The following KCND2 variants were observed in gnomAD, a reference collection of about 807,000 sequenced individuals.
The protein encoded by KCND2 is A-type voltage-gated potassium channel KCND2.
A neutral mutation model predicts 54.4 loss-of-function variants in KCND2; 16 were observed. The observed-to-expected ratio is 0.29, with a 90% CI of 0.20 to 0.45. The LOEUF is 0.45. Among genes scored for constraint, KCND2 ranks in the 20% least tolerant of loss-of-function variants. The pLI is 1.00. For synonymous variants in KCND2, 317 were observed against 310.7 expected (o/e 1.02, Z -0.21); for missense variants, 486 against 824.2 (o/e 0.59, Z 5.02).
chr7:120,352,001 A>G (rs1035410431), intron 1 of KCND2, among the ~76,000 whole-genome samples: 2 of 151,880 alleles, frequency 1.3e-5, no homozygotes, highest in Non-Finnish European at 2.9e-5. Context: ...CAGTAGAGAC[A>G]GGGTTTCACC....
intron 1 of KCND2, among the ~76,000 whole-genome samples, chr7:120,664,448 TA>T (rs1252770629): frequency 6.6e-6 from 1 of 151,744 alleles, no homozygotes; most frequent in Non-Finnish European, 1.5e-5. Flanking sequence ...ATAACTTATT[TA>T]ATAGGAGAGA....
At chr7:120,386,206 A>G (rs1800985640) in intron 1 of KCND2, among the ~76,000 whole-genome samples, 1 of 152,088 alleles carries the variant, frequency 6.6e-6, no homozygotes, top group African/African-American at 2.4e-5. Context: ...ACACTAGAAT[A>G]TTTCAGGATA....
rs975020628 is a variant in KCND2, at chr7:120,274,231, C to T, written c.-402C>T. On this transcript the variant is annotated 5_prime_UTR_variant, in exon 1 of 6. Transcript: ENST00000331113. ...ATTCTATTGGGTGACTCTCGTTCGT[C>T]TTCTCTATCCTACACTCCACATACT... is the stretch of plus-strand genomic sequence containing the variant. 4.4e-6 allele frequency: 1 copy of T among 227,200 alleles called. No individual in the cohort carries two copies. The highest frequency in any genetic ancestry group is 8.7e-6 in the Non-Finnish European group (1 of 114,704). 14.1% of individuals were successfully genotyped at this position (227,200 alleles called of 1,614,324 possible).
chr7:120,641,359 G>A (rs564484045), intron 1 of KCND2, among the ~76,000 whole-genome samples: 34 of 152,244 alleles, frequency 2.2e-4, no homozygotes, highest in African/African-American at 7.7e-4. Flanking sequence ...CCCCTCTAGT[G>A]TCCCTGGAGA....
rs1792140212 is a variant in KCND2 at position 120,554,601 on chromosome 7, G to C, written c.1116-178302G>C. Among the ~76,000 whole-genome samples the C allele has an allele frequency of 2.0e-5, 3 of 151,944 alleles. No individual in the cohort carries two copies. In the South Asian group the frequency reaches 6.2e-4, roughly 32 times the overall value. ...TTTTTTGTATTTTTAGTAGAGACGGGGTTTCACCGTGTTAGCCAGGATGGT... is the reference window on the plus strand; with the variant it reads ...TTTTTTGTATTTTTAGTAGAGACGGCGTTTCACCGTGTTAGCCAGGATGGT... On this transcript the variant is annotated intron_variant, in intron 1 of 5. Transcript: ENST00000331113.
At chr7:120,709,936 T>C (rs1310013923) in intron 1 of KCND2, among the ~76,000 whole-genome samples, 2 of 152,098 alleles carry the variant, frequency 1.3e-5, no homozygotes, top group African/African-American at 4.8e-5. Flanking sequence ...TACTCCATTG[T>C]CCCATTGCAT....
At chr7:120,596,581 G>A (rs1403726585) in intron 1 of KCND2, among the ~76,000 whole-genome samples, 1 of 152,146 alleles carries the variant, frequency 6.6e-6, no homozygotes, top group Non-Finnish European at 1.5e-5. Context: ...TGAACTCAGT[G>A]TGTTTGATCT....
At chr7:120,407,379 T>C (rs918429253) in intron 1 of KCND2, among the ~76,000 whole-genome samples, 22 of 152,118 alleles carry the variant, frequency 1.4e-4, no homozygotes, top group African/African-American at 4.8e-4. Context: ...AGTGTAGTTA[T>C]AAACAAACCC....
chr7:120,399,124 T>C (rs1273288771), intron 1 of KCND2, among the ~76,000 whole-genome samples: 1 of 152,030 alleles, frequency 6.6e-6, no homozygotes, highest in Non-Finnish European at 1.5e-5. Flanking sequence ...AAGGCCTTTA[T>C]TCATCTTGTA....
At chr7:120,742,725 C>T (rs749262381) in intron 4 of KCND2, 123 bp downstream of exon 4, 91 of 768,170 alleles carry the variant, frequency 1.2e-4, no homozygotes, top group Non-Finnish European at 3.9e-5. Flanking sequence ...TGCTAAAAAA[C>T]AAACAAACCA....
intron 1 of KCND2, among the ~76,000 whole-genome samples, chr7:120,698,353 T>C (rs1426416916): frequency 6.6e-6 from 1 of 152,224 alleles, no homozygotes; most frequent in African/African-American, 2.4e-5. Context: ...AAGTTTAAGC[T>C]CAATTGCTTG....
At position 120,348,103 on chromosome 7, in the gene KCND2, A is replaced by G. The variant is rs143628058; in HGVS notation, c.1115+72356A>G. Among the ~76,000 whole-genome samples, 295 of 152,338 alleles carry G rather than the reference A, an allele frequency of 1.9e-3. 2 individuals are homozygous for G. Among genetic ancestry groups the G allele is most frequent in the Non-Finnish European group, 2.7e-3 (181 of 68,028 alleles). Reference sequence around the variant, plus strand: ...TCACATTGGGGGTTAGGATGTCAACATATGAATTATGGTGAGACACAAACA... The same window carrying G: ...TCACATTGGGGGTTAGGATGTCAACGTATGAATTATGGTGAGACACAAACA... On this transcript the variant is annotated intron_variant, in intron 1 of 5. Coordinates refer to ENST00000331113, the MANE Select transcript of KCND2 (RefSeq NM_012281.3).
chr7:120,531,145 C>T (rs1041656969), intron 1 of KCND2, among the ~76,000 whole-genome samples: 1 of 152,060 alleles, frequency 6.6e-6, no homozygotes, highest in Non-Finnish European at 1.5e-5. Context: ...TACTGTATTT[C>T]TCTAGTCAAT....
chr7:120,304,465 A>G (rs1447103717), intron 1 of KCND2, among the ~76,000 whole-genome samples: 1 of 152,176 alleles, frequency 6.6e-6, no homozygotes, highest in Non-Finnish European at 1.5e-5. Context: ...TGTGGCCTCC[A>G]TGCCGGCAGC....
chr7:120,334,155 G>A (rs1459154665), intron 1 of KCND2, among the ~76,000 whole-genome samples: 2 of 152,112 alleles, frequency 1.3e-5, no homozygotes, highest in Non-Finnish European at 2.9e-5. Flanking sequence ...AGGGTAACAG[G>A]GGTCTTGAAT....
At chr7:120,699,731 CT>C (rs967898012) in intron 1 of KCND2, among the ~76,000 whole-genome samples, 1 of 152,106 alleles carries the variant, frequency 6.6e-6, no homozygotes, top group Non-Finnish European at 1.5e-5. Flanking sequence ...AGAAAGAATA[CT>C]CTTGAAGGAA....
At chr7:120,377,226 G>T (rs1800845620) in intron 1 of KCND2, among the ~76,000 whole-genome samples, 1 of 151,890 alleles carries the variant, frequency 6.6e-6, no homozygotes, top group Admixed American at 6.6e-5. Flanking sequence ...AAGGATCAGA[G>T]AAATATAGGA....
intron 1 of KCND2, among the ~76,000 whole-genome samples, chr7:120,337,029 AATT>A (rs1271488744): frequency 6.6e-6 from 1 of 152,086 alleles, no homozygotes; most frequent in Admixed American, 6.5e-5. Context: ...TTTCTTGGAA[AATT>A]CATATGACAA....
chr7:120,293,742 C>T (rs1799470663), intron 1 of KCND2, among the ~76,000 whole-genome samples: 1 of 151,846 alleles, frequency 6.6e-6, no homozygotes, highest in African/African-American at 2.4e-5. Flanking sequence ...ATATATTAAT[C>T]TACAACGTGT....
Sources: gnomAD v4.1 joint callset for allele counts (sites outside exome capture counted in the v4.1 genomes callset) on GRCh38, gnomAD v4.1.1 for gene constraint, MANE v1.5 for transcripts, NCBI Gene and HGNC (gene_info 2026-07-23, HGNC 2026-07-21) for gene names.